MTUS2: variants seen among roughly 807,000 people sequenced by gnomAD.
MTUS2 encodes the protein microtubule associated scaffold protein 2.
In MTUS2, 40 loss-of-function variants were observed where a neutral mutation model predicts 114.1. The ratio of observed to expected loss-of-function variants is 0.35; its 90% CI spans 0.27 to 0.46. The LOEUF is 0.46. MTUS2 is among the 20% of genes least tolerant of loss of function. MTUS2 has a pLI of 1.00. For missense variants in MTUS2, 1,679 were observed against 1,705.4 expected (o/e 0.98, Z 0.27); for synonymous variants, 688 against 672.0 (o/e 1.02, Z -0.37).
chr13:28,947,085 G>A (rs1444407432), intron 2 of MTUS2, among the ~76,000 whole-genome samples: 2 of 152,136 alleles, frequency 1.3e-5, no homozygotes, highest in Non-Finnish European at 2.9e-5. Context: ...ACTTAACTGT[G>A]CTCTTTATTG....
At chr13:29,112,238 C>T (rs1199107254) in intron 5 of MTUS2, among the ~76,000 whole-genome samples, 1 of 151,886 alleles carries the variant, frequency 6.6e-6, no homozygotes, top group Admixed American at 6.6e-5. Context: ...GAGTATCTGT[C>T]TAGGTTGCAG....
At chr13:29,270,208 C>T (rs561641694) in intron 5 of MTUS2, among the ~76,000 whole-genome samples, 1 of 152,264 alleles carries the variant, frequency 6.6e-6, no homozygotes, top group East Asian at 1.9e-4. Context: ...TTATTAAGTG[C>T]TTTTACCACC....
Position 29,503,383 on chromosome 13 carries a change from G to A in MTUS2, c.*177G>A, listed in dbSNP as rs76567555. ...AGACTGCCCTGGTGTCGGCACTTAG[G>A]AATGTGTAAATGGTAAAGTCTGATG... On this transcript the variant is annotated 3_prime_UTR_variant, in exon 16 of 16. Coordinates refer to ENST00000612955, the MANE Select transcript of MTUS2 (RefSeq NM_001033602.4). 1.1e-3 allele frequency: 728 copies of A among 656,772 alleles called. 9 individuals carry two copies. The East Asian group carries it at 0.019, about 17-fold the overall frequency. The allele number at this position is 656,772 out of a possible 1,614,324, so 40.7% of individuals were successfully genotyped here.
intron 8 of MTUS2, among the ~76,000 whole-genome samples, chr13:29,417,974 TG>T (rs1875790951): frequency 6.6e-6 from 1 of 152,156 alleles, no homozygotes; most frequent in Non-Finnish European, 1.5e-5. Context: ...TTAGTGGAGT[TG>T]GGGGGTAACT....
intron 2 of MTUS2, among the ~76,000 whole-genome samples, chr13:28,859,695 C>T (rs890696555): frequency 1.3e-5 from 2 of 152,104 alleles, no homozygotes; most frequent in Non-Finnish European, 2.9e-5. Context: ...GTAGACCATC[C>T]TGTGACTGAT....
chr13:28,940,536 A>G (rs1882173489), intron 2 of MTUS2, among the ~76,000 whole-genome samples: 1 of 152,188 alleles, frequency 6.6e-6, no homozygotes, highest in African/African-American at 2.4e-5. Flanking sequence ...AGACTTTAAA[A>G]TAACTTTGAC....
chr13:29,274,816 A>G (rs1898001104), intron 5 of MTUS2, among the ~76,000 whole-genome samples: 1 of 152,006 alleles, frequency 6.6e-6, no homozygotes. Flanking sequence ...TGCAACCTTG[A>G]CCTCCTGGGG....
At chr13:29,299,125 G>T (rs1042015153) in intron 6 of MTUS2, among the ~76,000 whole-genome samples, 1 of 152,208 alleles carries the variant, frequency 6.6e-6, no homozygotes, top group African/African-American at 2.4e-5. Context: ...CTTTGCATGA[G>T]ATCAGAGAGA....
intron 5 of MTUS2, among the ~76,000 whole-genome samples, chr13:29,117,344 G>A (rs1891131151): frequency 6.6e-6 from 1 of 152,102 alleles, no homozygotes; most frequent in African/African-American, 2.4e-5. Flanking sequence ...CTGGACCCCT[G>A]TCATTCTTAT....
chr13:29,052,344 G>T (rs921044045), intron 4 of MTUS2, among the ~76,000 whole-genome samples: 2 of 151,554 alleles, frequency 1.3e-5, no homozygotes, highest in African/African-American at 4.8e-5. Context: ...AGCCGGGCAT[G>T]GTGGCAGGCA....
intron 2 of MTUS2, among the ~76,000 whole-genome samples, chr13:28,935,571 G>C (rs113038705): frequency 0.017 from 2,526 of 152,054 alleles, 63 homozygotes; most frequent in African/African-American, 0.056. Flanking sequence ...CAGCAATAAT[G>C]ATTACATGCT....
chr13:28,919,337 G>A (rs1051242057), intron 2 of MTUS2, among the ~76,000 whole-genome samples: 2 of 152,034 alleles, frequency 1.3e-5, no homozygotes, highest in African/African-American at 4.8e-5. Flanking sequence ...TTTTTTGCCA[G>A]ATATACTATT....
At chr13:29,094,723 T>G (rs981387154) in intron 4 of MTUS2, among the ~76,000 whole-genome samples, 14 of 152,064 alleles carry the variant, frequency 9.2e-5, no homozygotes, top group African/African-American at 3.4e-4. Context: ...TTCTTTTGGT[T>G]TAAGTTTAGT....
At chr13:29,197,586 A>G (rs1894756288) in intron 5 of MTUS2, among the ~76,000 whole-genome samples, 1 of 152,088 alleles carries the variant, frequency 6.6e-6, no homozygotes, top group African/African-American at 2.4e-5. Flanking sequence ...CAGTAATGGG[A>G]TCGCTGGGTC....
At chr13:29,253,199 G>GCAAAT (rs1191675407) in intron 5 of MTUS2, among the ~76,000 whole-genome samples, 2 of 151,844 alleles carry the variant, frequency 1.3e-5, no homozygotes, top group Non-Finnish European at 2.9e-5. Flanking sequence ...GCCGAGGCAG[G>GCAAAT]CAAATCACTT....
chr13:29,461,169 A>G (rs1879460365), intron 9 of MTUS2, among the ~76,000 whole-genome samples: 1 of 152,108 alleles, frequency 6.6e-6, no homozygotes, highest in African/African-American at 2.4e-5. Context: ...AGTGCAAGAG[A>G]GAGAGTGAGG....
chr13:29,018,497 G>A (rs960671460), intron 2 of MTUS2, among the ~76,000 whole-genome samples: 2 of 152,162 alleles, frequency 1.3e-5, no homozygotes, highest in Non-Finnish European at 2.9e-5. Flanking sequence ...GCATTTGGCC[G>A]GGCCCAGTGG....
At chr13:29,158,860 G>A (rs778041904) in intron 5 of MTUS2, among the ~76,000 whole-genome samples, 136 of 152,284 alleles carry the variant, frequency 8.9e-4, no homozygotes, top group Middle Eastern at 3.4e-3. Flanking sequence ...TGGAACCAGG[G>A]TCTGGTCTTC....
At chr13:28,910,988 G>A (rs1467346628) in intron 2 of MTUS2, among the ~76,000 whole-genome samples, 1 of 139,200 alleles carries the variant, frequency 7.2e-6, no homozygotes, top group East Asian at 2.2e-4. Context: ...CCATTCTTCT[G>A]CCTCAGCCTC....
Sources: allele counts gnomAD v4.1 joint callset (sites outside exome capture counted in the v4.1 genomes callset), GRCh38; gene constraint gnomAD v4.1.1; transcripts MANE v1.5; gene names NCBI Gene and HGNC (gene_info 2026-07-23, HGNC 2026-07-21).